The following GPRC5A variants were observed in gnomAD, a reference collection of about 807,000 sequenced individuals.
GPRC5A encodes the protein retinoic acid-induced protein 3.
Under a neutral mutation model 22.5 loss-of-function variants are expected in GPRC5A, and 19 were observed. That is an observed-to-expected ratio of 0.85 (90% CI 0.59 to 1.24). GPRC5A has a LOEUF of 1.24. GPRC5A is among the 50% of genes most tolerant of loss of function. The pLI is 0.00. For missense variants in GPRC5A, 471 were observed against 451.1 expected, an observed-to-expected ratio of 1.04 and a Z score of -0.40; for synonymous variants, 192 against 184.5, an observed-to-expected ratio of 1.04 and a Z score of -0.33.
rs1393898151 is a variant in GPRC5A, at chr12:12,900,906, AAAAAAAAC to A, written c.-7-7329_-7-7322del. ...AACTCCGTCTCAAAAAAAAAAAAAAAAAAAAAACAAAAAAAAAACAACCCAGAAAAACC... is the reference window on the plus strand; with the variant it reads ...AACTCCGTCTCAAAAAAAAAAAAAAAAAAAAAAAAACAACCCAGAAAAACC... On this transcript the variant is annotated intron_variant, in intron 1 of 3. Coordinates refer to ENST00000014914, the MANE Select transcript of GPRC5A (RefSeq NM_003979.4). Among the ~76,000 whole-genome samples the A allele has an allele frequency of 4.6e-3, 570 of 123,278 alleles. 3 individuals are homozygous for A. The highest frequency in any genetic ancestry group is 6.5e-3 in the Non-Finnish European group (417 of 64,248). The allele number at this position is 123,278 out of a possible 152,430, so 80.9% of individuals were successfully genotyped here.
At chr12:12,896,496 T>C (rs2136455463) in intron 1 of GPRC5A, among the ~76,000 whole-genome samples, 1 of 152,316 alleles carries the variant, frequency 6.6e-6, no homozygotes, top group South Asian at 2.1e-4. Context: ...GGGATTTCTG[T>C]AGGACTTCTC....
Position 12,912,152 on chromosome 12 carries a change from T to A in GPRC5A, c.981+10T>A. 6.3e-7 allele frequency: 1 copy of A among 1,593,850 alleles called. No individual in the cohort carries two copies. On this transcript the variant is annotated intron_variant, in intron 3 of 3. Coordinates refer to ENST00000014914, the MANE Select transcript of GPRC5A (RefSeq NM_003979.4). ...ACATTTTCAGCTGCAGGTAAGTGAT[T>A]TTTTTCTCCCTCTTCATCAAAGGCA...
intron 1 of GPRC5A, among the ~76,000 whole-genome samples, chr12:12,905,216 C>G (rs1401439020): frequency 6.6e-6 from 1 of 152,102 alleles, no homozygotes; most frequent in Non-Finnish European, 1.5e-5. Flanking sequence ...TTTTTCTGCT[C>G]TAAGGAAAGA....
At chr12:12,912,348 G>A in intron 3 of GPRC5A, 99 bp from the exon 4 acceptor site, 2 of 916,100 alleles carry the variant, frequency 2.2e-6, no homozygotes, top group African/African-American at 1.6e-5. Flanking sequence ...TGGGAGGCCT[G>A]GGAGAAAGGG....
chr12:12,903,323 C>T (rs1392606040), intron 1 of GPRC5A, among the ~76,000 whole-genome samples: 3 of 151,998 alleles, frequency 2.0e-5, no homozygotes, highest in Non-Finnish European at 2.9e-5. Context: ...TTCTATCTCC[C>T]AGGCAGAATT....
At position 12,908,399 on chromosome 12, in the gene GPRC5A, G is replaced by A. The variant is rs369814536; in HGVS notation, c.150G>A (p.Pro50=). 3.1e-6 allele frequency: 5 copies of A among 1,614,018 alleles called. No individual in the cohort carries two copies. Among genetic ancestry groups the A allele is most frequent in the African/African-American group, 1.3e-5 (1 of 74,918 alleles). ...CGGTGGCCTTCATGCTCACTCTCCC[G>A]ATCCTCGTCTGCAAGGTGCAGGACT... The part of the protein sequence containing the change: ...VTSVAFMLTL[P]ILVCKVQDSN... Residue 50 remains proline (P), a synonymous_variant, in exon 2 of 4, where the codon CCG becomes CCA. Coordinates refer to ENST00000014914, the MANE Select transcript of GPRC5A (RefSeq NM_003979.4).
At chr12:12,897,567 G>A (rs1225157095) in intron 1 of GPRC5A, among the ~76,000 whole-genome samples, 1 of 151,868 alleles carries the variant, frequency 6.6e-6, no homozygotes, top group Non-Finnish European at 1.5e-5. Flanking sequence ...CTCAAACTGG[G>A]GCTGGATCTG....
chr12:12,897,562 A>G (rs1052578470), intron 1 of GPRC5A, among the ~76,000 whole-genome samples: 3 of 151,392 alleles, frequency 2.0e-5, no homozygotes, highest in Non-Finnish European at 2.9e-5. Flanking sequence ...TGAAGCTCAA[A>G]CTGGGGCTGG....
At position 12,917,153 on chromosome 12, in the gene GPRC5A, C is replaced by G. The variant is rs983461532; in HGVS notation, c.*4614C>G. 1 of 151,830 alleles carries G rather than the reference C, an allele frequency of 6.6e-6. No individual in the cohort carries two copies. The highest frequency in any genetic ancestry group is 6.6e-5 in the Admixed American group (1 of 15,224). 9.4% of individuals were successfully genotyped at this position (151,830 alleles called of 1,614,324 possible). ...GGCTGTTTTCTGGAATTCCTTCTAT[C>G]GGGGCAGACAGTGCTGTGCCTTTCT... On this transcript the variant is annotated 3_prime_UTR_variant, in exon 4 of 4. Coordinates refer to ENST00000014914, the MANE Select transcript of GPRC5A (RefSeq NM_003979.4).
intron 1 of GPRC5A, among the ~76,000 whole-genome samples, chr12:12,903,787 G>C (rs1863913319): frequency 6.6e-6 from 1 of 152,194 alleles, no homozygotes; most frequent in African/African-American, 2.4e-5. Context: ...TGCGCTGGAA[G>C]AGGAGCCTAT....
rs775931026 is a variant in GPRC5A, at chr12:12,908,894, C to T, written c.645C>T (p.Leu215=). ...AGAGACATGGGGCCCACATCTACCTCACGATGCTCCTCTCCATTGCCATCT... is the reference window on the plus strand; with the variant it reads ...AGAGACATGGGGCCCACATCTACCTTACGATGCTCCTCTCCATTGCCATCT... ...GWKRHGAHIY[L]TMLLSIAIWV... Residue 215 remains leucine, a synonymous_variant, in exon 2 of 4, where the codon CTC becomes CTT. Coordinates refer to ENST00000014914, the MANE Select transcript of GPRC5A (RefSeq NM_003979.4). 6.2e-7 allele frequency: 1 copy of T among 1,614,186 alleles called. No homozygotes were observed. Among genetic ancestry groups the T allele is most frequent in the East Asian group, 2.2e-5 (1 of 44,874 alleles).
At chr12:12,902,459 T>TA (rs1428495720) in intron 1 of GPRC5A, among the ~76,000 whole-genome samples, 1 of 152,108 alleles carries the variant, frequency 6.6e-6, no homozygotes, top group Non-Finnish European at 1.5e-5. Context: ...AAGGAGTTTT[T>TA]ATCTTTTAGA....
chr12:12,908,887 T>G lies in GPRC5A; in HGVS notation c.638T>G (p.Ile213Ser), dbSNP rs1236226627. 6.2e-7 allele frequency: 1 copy of G among 1,614,054 alleles called. No homozygotes were observed. The highest frequency in any genetic ancestry group is 8.5e-7 in the Non-Finnish European group (1 of 1,180,032). Reference protein sequence around the residue: ...FTGWKRHGAHIYLTMLLSIAI... With the variant: ...FTGWKRHGAHSYLTMLLSIAI... Reference sequence around the variant, plus strand: ...GGCTGGAAGAGACATGGGGCCCACATCTACCTCACGATGCTCCTCTCCATT... The same window carrying G: ...GGCTGGAAGAGACATGGGGCCCACAGCTACCTCACGATGCTCCTCTCCATT... Residue 213 changes from isoleucine to serine, a missense_variant, in exon 2 of 4, where the codon ATC becomes AGC. By Grantham distance (142) the Ile-to-Ser change is moderately radical (BLOSUM62 -2). Coordinates refer to ENST00000014914, the MANE Select transcript of GPRC5A (RefSeq NM_003979.4).
At position 12,908,694 on chromosome 12, in the gene GPRC5A, G is replaced by A. The variant is rs1045297630; in HGVS notation, c.445G>A (p.Ala149Thr). Residue 149 changes from alanine to threonine, a missense_variant, in exon 2 of 4, where the codon GCT becomes ACT. Coordinates refer to ENST00000014914, the MANE Select transcript of GPRC5A (RefSeq NM_003979.4). ...VGFSLVQDVIAIEYIVLTMNR... is the reference protein window; with the variant it reads ...VGFSLVQDVITIEYIVLTMNR... ...CTTCAGCCTAGTCCAGGATGTTATC[G>A]CTATTGAATATATTGTCCTGACCAT... The A allele has an allele frequency of 1.2e-5, 20 of 1,613,860 alleles. No individual in the cohort carries two copies. Among genetic ancestry groups the A allele is most frequent in the Middle Eastern group, 1.6e-4 (1 of 6,084 alleles).
intron 1 of GPRC5A, among the ~76,000 whole-genome samples, chr12:12,901,848 C>T (rs1863891460): frequency 6.6e-6 from 1 of 151,204 alleles, no homozygotes; most frequent in South Asian, 2.1e-4. Flanking sequence ...TTTATAGGAG[C>T]AAGTTCTTTG....
At chr12:12,899,335 G>A (rs1010797366) in intron 1 of GPRC5A, among the ~76,000 whole-genome samples, 5 of 152,120 alleles carry the variant, frequency 3.3e-5, no homozygotes, top group African/African-American at 7.2e-5. Context: ...TACTGCCCCC[G>A]GCCAGGGTTG....
At chr12:12,899,296 C>G (rs929758107) in intron 1 of GPRC5A, among the ~76,000 whole-genome samples, 1 of 152,182 alleles carries the variant, frequency 6.6e-6, no homozygotes, top group Non-Finnish European at 1.5e-5. Flanking sequence ...CTCTCGGCCT[C>G]TCAAAGTACT....
At position 12,912,473 on chromosome 12, in the gene GPRC5A, C is replaced by T. The variant is rs769579755; in HGVS notation, c.1008C>T (p.Ser336=). The change falls in exon 4 of 4, where the codon TCC becomes TCT. Residue 336 remains serine, a synonymous_variant. Coordinates refer to ENST00000014914, the MANE Select transcript of GPRC5A (RefSeq NM_003979.4). ...ACCAGCCTCCCCAAAAGGAATTCTC[C>T]ATCCCACGGGCCCACGCTTGGCCGA... ...LQNQPPQKEF[S]IPRAHAWPSP... 4.3e-6 allele frequency: 7 copies of T among 1,612,356 alleles called. No homozygotes were observed. The highest frequency in any genetic ancestry group is 2.2e-5 in the South Asian group (2 of 91,052).
chr12:12,914,594 T>G lies in GPRC5A; in HGVS notation c.*2055T>G, dbSNP rs10845669. 1 of 81,544 alleles carries G rather than the reference T, an allele frequency of 1.2e-5. No homozygotes were observed. Among genetic ancestry groups the G allele is most frequent in the African/African-American group, 6.4e-5 (1 of 15,530 alleles). The allele number at this position is 81,544 out of a possible 1,614,324, so 5.1% of individuals were successfully genotyped here. On this transcript the variant is annotated 3_prime_UTR_variant, in exon 4 of 4. Coordinates refer to ENST00000014914, the MANE Select transcript of GPRC5A (RefSeq NM_003979.4). The stretch of plus-strand genomic sequence containing the variant: ...TTTCTTTCTTTCTTTCTTTCTTTCT[T>G]TCTCTCTCTCTCTCTCTCTCTCTTT...
Sources: allele counts gnomAD v4.1 joint callset (sites outside exome capture counted in the v4.1 genomes callset), GRCh38; gene constraint gnomAD v4.1.1; transcripts MANE v1.5; gene names NCBI Gene and HGNC (gene_info 2026-07-23, HGNC 2026-07-21).